The following NPHP4 variants were observed in gnomAD, a reference collection of about 807,000 sequenced individuals.
NPHP4 encodes the protein nephrocystin 4, also known as nephrocystin-4.
In NPHP4, 151 loss-of-function variants were observed where a neutral mutation model predicts 155.8. The observed-to-expected ratio is 0.97, with a 90% CI of 0.85 to 1.11. NPHP4 has a LOEUF of 1.11. NPHP4 is among the 50% of genes least tolerant of loss of function. NPHP4 has a pLI of 0.00. For synonymous variants in NPHP4, 845 were observed against 816.8 expected (o/e 1.03, Z -0.59); for missense variants, 1,956 against 1,925.7 (o/e 1.02, Z -0.29).
chr1:5,932,010 G>A (rs1333856288), intron 10 of NPHP4, among the ~76,000 whole-genome samples: 2 of 151,892 alleles, frequency 1.3e-5, no homozygotes, highest in African/African-American at 4.8e-5. Context: ...GGAGTTCAAG[G>A]CTGCAGTGAA....
rs750428187 is a variant in NPHP4, at chr1:5,907,267, GT to G, written c.1504-46del. 2.0e-5 allele frequency: 26 copies of G among 1,306,500 alleles called. 1 individual carries two copies. In the South Asian group the frequency reaches 3.3e-4, roughly 17 times the overall value. The allele number at this position is 1,306,500 out of a possible 1,614,324, so 80.9% of individuals were successfully genotyped here. ...AGGTGAGGGGCTCAGAAGCTTGCCA[GT>G]CCGTCCACAAAGCTCCCAACATGCA... On this transcript the variant is annotated intron_variant, in intron 12 of 29. Transcript: ENST00000378156.
At chr1:5,869,268 C>T (rs376047937) in intron 23 of NPHP4, among the ~76,000 whole-genome samples, 4 of 138,376 alleles carry the variant, frequency 2.9e-5, no homozygotes, top group Admixed American at 1.5e-4. Flanking sequence ...CACCCACATG[C>T]ATGCATGCAT....
At position 5,910,015 on chromosome 1, in the gene NPHP4, GC is replaced by G; in HGVS notation, c.1442-803del. Among the ~76,000 whole-genome samples, 1 of 152,334 alleles carries G rather than the reference GC, an allele frequency of 6.6e-6. No individual in the cohort carries two copies. Among genetic ancestry groups the G allele is most frequent in the Non-Finnish European group, 1.5e-5 (1 of 68,030 alleles). Reference sequence around the variant, plus strand: ...AGCCCCTGCACCTCAGCAGGAGGAAGCCCCAGCATCGCTGGAGTCTCTGAAA... The same window carrying G: ...AGCCCCTGCACCTCAGCAGGAGGAAGCCCAGCATCGCTGGAGTCTCTGAAA... On this transcript the variant is annotated intron_variant, in intron 11 of 29. Transcript: ENST00000378156. This position sits in a 1 kb window ranked among gnomAD's most constrained non-coding sequence, Gnocchi z 5.4.
chr1:5,953,910 T>C (rs1648681478), intron 6 of NPHP4, among the ~76,000 whole-genome samples: 1 of 152,204 alleles, frequency 6.6e-6, no homozygotes, highest in Admixed American at 6.5e-5. Context: ...TATATTTTAA[T>C]GATCTTTTAC....
intron 9 of NPHP4, among the ~76,000 whole-genome samples, chr1:5,939,217 T>C (rs1483573135): frequency 6.6e-6 from 1 of 152,168 alleles, no homozygotes; most frequent in Non-Finnish European, 1.5e-5. Context: ...AAAATATACA[T>C]GAATAATGAA....
intron 3 of NPHP4, among the ~76,000 whole-genome samples, chr1:5,971,748 C>A (rs1652611749): frequency 6.6e-6 from 1 of 150,928 alleles, no homozygotes; most frequent in African/African-American, 2.5e-5. Context: ...GCGCCACTGC[C>A]ATACATTTGG....
chr1:5,896,521 C>T (rs905806137), intron 16 of NPHP4, among the ~76,000 whole-genome samples: 19 of 152,060 alleles, frequency 1.2e-4, no homozygotes, highest in African/African-American at 3.9e-4. Context: ...GCATTCTATA[C>T]GTTGTTAGGC....
At chr1:5,868,269 G>A in intron 23 of NPHP4, 1 of 364,904 alleles carries the variant, frequency 2.7e-6, no homozygotes, top group South Asian at 2.1e-5. Context: ...CGCAAGTCAG[G>A]CCAGGAGGTC....
At position 5,867,364 on chromosome 1, in the gene NPHP4, G is replaced by A. The variant is rs1030065064; in HGVS notation, c.3473-249C>T. On this transcript the variant is annotated intron_variant, in intron 24 of 29. Transcript: ENST00000378156. The surrounding 1 kb of genome is among the most constrained non-coding windows in gnomAD (Gnocchi z 4.1). ...ATCTCCACAGGGAATAATCGAGGGG[G>A]CCACAAAAAAGAAAACACAGCTCCC... 28 of 546,928 alleles carry A rather than the reference G, an allele frequency of 5.1e-5. No individual in the cohort carries two copies. Among genetic ancestry groups the A allele is most frequent in the Admixed American group, 2.0e-4 (6 of 29,730 alleles). 33.9% of individuals were successfully genotyped at this position (546,928 alleles called of 1,614,324 possible).
Position 5,969,228 on chromosome 1 carries a change from G to A in NPHP4, c.311C>T (p.Pro104Leu). 6.3e-7 allele frequency: 1 copy of A among 1,582,660 alleles called. No individual in the cohort carries two copies. The highest frequency in any genetic ancestry group is 1.3e-5 in the African/African-American group (1 of 74,396). ...CACTTCCACCACAGCCACGATATGA[G>A]GGTGGTTTAGGGATGTGTGAAAATA... ...PLYFHTSLNHPHIVAVVEVVA... is the reference protein window; with the variant it reads ...PLYFHTSLNHLHIVAVVEVVA... The change falls in exon 4 of 30, where the codon CCT becomes CTT. Residue 104 changes from proline to leucine, a missense_variant. Coordinates refer to ENST00000378156, the MANE Select transcript of NPHP4 (RefSeq NM_015102.5).
At chr1:5,876,445 G>C (rs1016875958) in intron 20 of NPHP4, 5 of 152,408 alleles carry the variant, frequency 3.3e-5, no homozygotes, top group African/African-American at 1.2e-4. Flanking sequence ...GCCTAGGGAG[G>C]GACCGAGGCG....
intron 16 of NPHP4, among the ~76,000 whole-genome samples, chr1:5,895,883 C>G (rs1056906904): frequency 6.6e-6 from 1 of 152,224 alleles, no homozygotes; most frequent in African/African-American, 2.4e-5. Flanking sequence ...ATCTATGCAG[C>G]CCACAGAGCA....
intron 11 of NPHP4, among the ~76,000 whole-genome samples, chr1:5,926,376 T>C (rs1439374916): frequency 6.6e-6 from 1 of 152,258 alleles, no homozygotes; most frequent in Non-Finnish European, 1.5e-5. Context: ...ATTACTATTG[T>C]ACTTTTAAGT....
chr1:5,902,651 C>T (rs867529814), intron 16 of NPHP4, among the ~76,000 whole-genome samples: 17 of 152,290 alleles, frequency 1.1e-4, no homozygotes, highest in South Asian at 8.3e-4. Flanking sequence ...CCCAAAACTT[C>T]TTAAGTTGAA....
chr1:5,944,858 T>C lies in NPHP4; in HGVS notation c.1119+2246A>G, dbSNP rs1347385073. ...GGTGGCCCGTGCCTATAGTCCCAGC[T>C]ACTCAGGAGACTGAGGCAGGAGAGT... On this transcript the variant is annotated intron_variant, in intron 9 of 29. Coordinates refer to ENST00000378156, the MANE Select transcript of NPHP4 (RefSeq NM_015102.5). This position sits in a 1 kb window ranked among gnomAD's most constrained non-coding sequence, Gnocchi z 4.3. Among the ~76,000 whole-genome samples, 1 of 152,064 alleles carries C rather than the reference T, an allele frequency of 6.6e-6. No homozygotes were observed. The highest frequency in any genetic ancestry group is 1.5e-5 in the Non-Finnish European group (1 of 67,996).
At chr1:5,900,697 T>A (rs1035510036) in intron 16 of NPHP4, among the ~76,000 whole-genome samples, 1 of 152,100 alleles carries the variant, frequency 6.6e-6, no homozygotes, top group African/African-American at 2.4e-5. Flanking sequence ...ACTATGAGTT[T>A]AGTTCATAAT....
intron 3 of NPHP4, among the ~76,000 whole-genome samples, chr1:5,975,065 G>A (rs1429184616): frequency 1.3e-5 from 2 of 152,178 alleles, no homozygotes; most frequent in Non-Finnish European, 2.9e-5. Context: ...ATTTCCACAG[G>A]GGTGTAGACA....
At chr1:5,912,006 G>A (rs533824874) in intron 11 of NPHP4, among the ~76,000 whole-genome samples, 1 of 152,356 alleles carries the variant, frequency 6.6e-6, no homozygotes, top group East Asian at 1.9e-4. Flanking sequence ...TGAACCGGGA[G>A]CAGCATGCGT....
In NPHP4 at chr1:5,865,156, C is replaced by A. The variant is rs762953303; in HGVS notation, c.3762G>T (p.Gly1254=). 1 of 1,613,670 alleles carries A rather than the reference C, an allele frequency of 6.2e-7. No homozygotes were observed. The highest frequency in any genetic ancestry group is 1.7e-5 in the Admixed American group (1 of 60,024). Residue 1254 remains glycine (G), a synonymous_variant, in exon 27 of 30, where the codon GGG becomes GGT. Transcript: ENST00000378156. ...CTCTCACTTTCCTCACTGTCTGTGT[C>A]CCCCGAAGGACAAGGGACAGGCGGG... ...QLTRLSLVLR[G]TQTVRKVRAF... is the part of the protein sequence containing the mutation.
Sources: allele counts gnomAD v4.1 joint callset (sites outside exome capture counted in the v4.1 genomes callset), GRCh38; gene constraint gnomAD v4.1.1; non-coding constraint Gnocchi (gnomAD v3.1); transcripts MANE v1.5; gene names NCBI Gene and HGNC (gene_info 2026-07-23, HGNC 2026-07-21).